Variants in CFAP206 observed in about 807,000 individuals in gnomAD.
The protein encoded by CFAP206 is cilia and flagella associated protein 206, also known as cilia- and flagella-associated protein 206.
A neutral mutation model predicts 65.4 loss-of-function variants in CFAP206; 53 were observed. The observed-to-expected ratio is 0.81, with a 90% CI of 0.65 to 1.02. The LOEUF (loss-of-function observed/expected upper bound fraction) is 1.02, where lower values mean the gene tolerates loss of function less well. CFAP206 is among the 50% of genes least tolerant of loss of function. The probability of loss-of-function intolerance (pLI) is 0.00; values close to 1 mark genes in which losing one functional copy is unlikely to be tolerated. For missense variants in CFAP206, 663 were observed against 753.2 expected, an observed-to-expected ratio of 0.88 and a Z score of 1.40; for synonymous variants, 250 against 254.4, an observed-to-expected ratio of 0.98 and a Z score of 0.17.
intron 10 of CFAP206, among the ~76,000 whole-genome samples, chr6:87,434,089 G>T (rs554761800): frequency 3.0e-4 from 42 of 141,556 alleles, no homozygotes; most frequent in African/African-American, 1.0e-3. Context: ...GACAGAGCAA[G>T]ACTTCGTCTC....
chr6:87,426,001 G>T, intron 7 of CFAP206: 1 of 154,924 alleles, frequency 6.5e-6, no homozygotes. Context: ...GGGTCTTCAA[G>T]AATATCCCCT....
chr6:87,446,878 G>A (rs766326280), intron 11 of CFAP206, among the ~76,000 whole-genome samples: 1 of 152,134 alleles, frequency 6.6e-6, no homozygotes, highest in Non-Finnish European at 1.5e-5. Flanking sequence ...TTGAGCAGTG[G>A]TTTATAGTTC....
intron 7 of CFAP206, among the ~76,000 whole-genome samples, chr6:87,419,080 C>CTGGCATGCG (rs11275180): frequency 5.2e-4 from 78 of 151,412 alleles, no homozygotes; most frequent in African/African-American, 1.8e-3. Context: ...CCACTGCACT[C>CTGGCATGCG]TGACAGAGGG....
At chr6:87,458,737 T>TTAAATAAA (rs1363309354) in intron 11 of CFAP206, among the ~76,000 whole-genome samples, 2 of 152,136 alleles carry the variant, frequency 1.3e-5, no homozygotes, top group Non-Finnish European at 1.5e-5. Context: ...GCGTAAGATC[T>TTAAATAAA]AGTATTTTAT....
chr6:87,410,804 C>A, intron 3 of CFAP206, 136 bp downstream of exon 3: 1 of 671,670 alleles, frequency 1.5e-6, no homozygotes, highest in Non-Finnish European at 2.5e-6. Context: ...ATATTTTTCT[C>A]ATAACACAAA....
chr6:87,459,537 C>T (rs1005919174), intron 11 of CFAP206, among the ~76,000 whole-genome samples: 4 of 152,076 alleles, frequency 2.6e-5, no homozygotes, highest in African/African-American at 9.7e-5. Flanking sequence ...ATGAGGGGAC[C>T]AGGTAGATGT....
At chr6:87,463,235 G>T (rs1768773245) in intron 12 of CFAP206, among the ~76,000 whole-genome samples, 2 of 152,204 alleles carry the variant, frequency 1.3e-5, no homozygotes, top group Admixed American at 1.3e-4. Context: ...GCTTAGGCAA[G>T]AGTCTCTTGG....
intron 11 of CFAP206, among the ~76,000 whole-genome samples, chr6:87,449,436 CAAAAAAAAAAAAAAA>C (rs34540279): frequency 3.8e-5 from 2 of 53,060 alleles, no homozygotes; most frequent in African/African-American, 1.3e-4. Context: ...GACTCCATCT[CAAAAAAAAAAAAAAA>C]AAAAAAAAAA....
At chr6:87,421,249 G>T (rs1028900289) in intron 7 of CFAP206, among the ~76,000 whole-genome samples, 2 of 152,208 alleles carry the variant, frequency 1.3e-5, no homozygotes, top group African/African-American at 4.8e-5. Flanking sequence ...ACTTTGGGAG[G>T]CTGAGGCAGG....
At chr6:87,450,940 G>A (rs1768532034) in intron 11 of CFAP206, among the ~76,000 whole-genome samples, 1 of 152,162 alleles carries the variant, frequency 6.6e-6, no homozygotes, top group Non-Finnish European at 1.5e-5. Context: ...GTGCTGCCCT[G>A]TCATAGCATA....
chr6:87,425,342 C>A (rs1456438945), intron 7 of CFAP206, among the ~76,000 whole-genome samples: 3 of 152,156 alleles, frequency 2.0e-5, no homozygotes, highest in Admixed American at 6.5e-5. Flanking sequence ...CCTTTAATAA[C>A]CTTTCAGTTT....
intron 11 of CFAP206, among the ~76,000 whole-genome samples, chr6:87,445,584 A>G (rs1221704274): frequency 6.6e-6 from 1 of 152,016 alleles, no homozygotes; most frequent in Non-Finnish European, 1.5e-5. Context: ...TATGTACCAC[A>G]TTTTCTTTAT....
intron 1 of CFAP206, 93 bp downstream of exon 1, chr6:87,408,182 G>A: frequency 7.6e-6 from 4 of 529,202 alleles, no homozygotes; most frequent in Non-Finnish European, 9.7e-6. Flanking sequence ...GGCGGCTGGA[G>A]GACCGCGTCC....
At chr6:87,453,377 A>T (rs1323770699) in intron 11 of CFAP206, among the ~76,000 whole-genome samples, 1 of 152,222 alleles carries the variant, frequency 6.6e-6, no homozygotes, top group Non-Finnish European at 1.5e-5. Context: ...ACAAGCAATA[A>T]CAAATCATCT....
intron 3 of CFAP206, 95 bp from the exon 4 acceptor site, chr6:87,413,715 A>G (rs1767775456): frequency 1.3e-6 from 1 of 747,442 alleles, no homozygotes. Context: ...ATCAGGAACC[A>G]CTGCTTTTCC....
Position 87,445,693 on chromosome 6 carries a change from ATAATT to A in CFAP206, c.1494+10643_1494+10647del, listed in dbSNP as rs1365335699. 6.6e-5 allele frequency among the ~76,000 whole-genome samples: 10 copies of A among 152,286 alleles called. No individual in the cohort carries two copies. The East Asian group carries it at 1.2e-3, about 18-fold the overall frequency. ...CACATGCATGTATCTTTATAACAGA[ATAATT>A]TATATTCCTTTGGGTATATACCCAG... On this transcript the variant is annotated intron_variant, in intron 11 of 12. Coordinates refer to ENST00000369562, the MANE Select transcript of CFAP206 (RefSeq NM_001031743.3).
intron 11 of CFAP206, among the ~76,000 whole-genome samples, chr6:87,458,494 G>T (rs1380889605): frequency 1.4e-5 from 2 of 146,804 alleles, no homozygotes; most frequent in African/African-American, 2.5e-5. Context: ...CTATAAAAAA[G>T]GAGATCCTGT....
chr6:87,411,383 T>C (rs1230177801), intron 3 of CFAP206, among the ~76,000 whole-genome samples: 1 of 152,224 alleles, frequency 6.6e-6, no homozygotes, highest in East Asian at 1.9e-4. Context: ...AATGGGGTTA[T>C]TTGTTGTTGT....
intron 11 of CFAP206, among the ~76,000 whole-genome samples, chr6:87,459,669 C>T (rs1040359019): frequency 1.3e-5 from 2 of 152,138 alleles, no homozygotes; most frequent in Non-Finnish European, 1.5e-5. Flanking sequence ...GTCAGTTGAA[C>T]GTCTACAGAC....
Sources: gnomAD v4.1 joint callset for allele counts (sites outside exome capture counted in the v4.1 genomes callset) on GRCh38, gnomAD v4.1.1 for gene constraint, MANE v1.5 for transcripts, NCBI Gene and HGNC (gene_info 2026-07-23, HGNC 2026-07-21) for gene names.